The following GRIN2B variants were observed in gnomAD, a reference collection of about 807,000 sequenced individuals.
GRIN2B encodes the protein glutamate receptor ionotropic, NMDA 2B.
Under a neutral mutation model 114.5 loss-of-function variants are expected in GRIN2B, and 5 were observed. The observed-to-expected ratio is 0.04, with a 90% CI of 0.02 to 0.09. The LOEUF (loss-of-function observed/expected upper bound fraction) is 0.09, where lower values mean the gene tolerates loss of function less well. Among genes scored for constraint, GRIN2B ranks in the 10% least tolerant of loss-of-function variants. The probability of loss-of-function intolerance (pLI) is 1.00; values close to 1 mark genes in which losing one functional copy is unlikely to be tolerated. For missense variants in GRIN2B, 1,108 were observed against 1,943.5 expected (o/e 0.57, Z 8.08); for synonymous variants, 787 against 745.1 (o/e 1.06, Z -0.92).
intron 3 of GRIN2B, among the ~76,000 whole-genome samples, chr12:13,815,751 G>A (rs1864810977): frequency 6.6e-6 from 1 of 152,200 alleles, no homozygotes; most frequent in African/African-American, 2.4e-5. Flanking sequence ...AAGTGAAAAG[G>A]TGGGGTTAAA....
rs138749541 is a variant in GRIN2B at position 13,793,856 on chromosome 12, G to C, written c.412-39941C>G. The stretch of plus-strand genomic sequence containing the variant: ...CTTTTTGGAAGAAGGAAGTGGGAGA[G>C]GGTTAGGTTTTTAAATCCTTTAAAA... On this transcript the variant is annotated intron_variant, in intron 3 of 13. Transcript: ENST00000609686. 2.2e-4 allele frequency among the ~76,000 whole-genome samples: 33 copies of C among 152,078 alleles called. No individual in the cohort carries two copies. The East Asian group carries it at 5.2e-3, about 24-fold the overall frequency.
rs115482580 is a variant in GRIN2B at position 13,728,372 on chromosome 12, G to A, written c.1010+24945C>T. Among the ~76,000 whole-genome samples the A allele has an allele frequency of 3.7e-3, 560 of 152,154 alleles. 4 individuals carry two copies. Among genetic ancestry groups the A allele is most frequent in the African/African-American group, 0.013 (526 of 41,508 alleles). On this transcript the variant is annotated intron_variant, in intron 4 of 13. Transcript: ENST00000609686. Reference sequence around the variant, plus strand: ...ACCAGTTTTAGAGAACCACTGTTTAGTAGTGCTTTAATATTTCATCATCCA... The same window carrying A: ...ACCAGTTTTAGAGAACCACTGTTTAATAGTGCTTTAATATTTCATCATCCA...
At chr12:13,850,186 C>T (rs977056921) in intron 3 of GRIN2B, among the ~76,000 whole-genome samples, 3 of 152,166 alleles carry the variant, frequency 2.0e-5, no homozygotes, top group Non-Finnish European at 4.4e-5. Context: ...GAAAAGATTG[C>T]TCTAAGACCT....
intron 3 of GRIN2B, among the ~76,000 whole-genome samples, chr12:13,811,251 T>G (rs1379665721): frequency 6.6e-6 from 1 of 152,234 alleles, no homozygotes; most frequent in Non-Finnish European, 1.5e-5. Context: ...AGAAATGACC[T>G]AGTCTTCTAA....
chr12:13,785,794 A>G (rs552493656), intron 3 of GRIN2B, among the ~76,000 whole-genome samples: 32 of 152,290 alleles, frequency 2.1e-4, no homozygotes, highest in African/African-American at 7.0e-4. Context: ...TATGATTACT[A>G]TTTTCCATAT....
At chr12:13,942,536 C>A (rs546973607) in intron 2 of GRIN2B, among the ~76,000 whole-genome samples, 1 of 152,110 alleles carries the variant, frequency 6.6e-6, no homozygotes. Context: ...CTTTTAGTTG[C>A]TGTACAAATA....
Position 13,967,777 on chromosome 12 carries a change from G to A in GRIN2B, c.-19+12151C>T, listed in dbSNP as rs540088341. ...AGGCCAGTGATTCCAGTCTGTGGGC[G>A]ACAGGAAGACCTGGAGCTGAGGATC... On this transcript the variant is annotated intron_variant, in intron 2 of 13. Transcript: ENST00000609686. Among the ~76,000 whole-genome samples, 15 of 152,262 alleles carry A rather than the reference G, an allele frequency of 9.9e-5. No homozygotes were observed. In the South Asian group the frequency reaches 2.3e-3, roughly 23 times the overall value.
At chr12:13,797,620 T>C (rs1337454493) in intron 3 of GRIN2B, among the ~76,000 whole-genome samples, 2 of 152,206 alleles carry the variant, frequency 1.3e-5, no homozygotes, top group African/African-American at 4.8e-5. Context: ...TTTTGACTAA[T>C]GTAACAACCA....
intron 2 of GRIN2B, among the ~76,000 whole-genome samples, chr12:13,881,410 C>T (rs1414881709): frequency 6.6e-6 from 1 of 152,142 alleles, no homozygotes; most frequent in Non-Finnish European, 1.5e-5. Context: ...GTCTCTTCAG[C>T]GGGTTTCATT....
At chr12:13,944,638 TACAA>T (rs1177589168) in intron 2 of GRIN2B, among the ~76,000 whole-genome samples, 5 of 152,232 alleles carry the variant, frequency 3.3e-5, no homozygotes, top group African/African-American at 1.2e-4. Context: ...CTTCTCATTT[TACAA>T]ACAATTAAAA....
intron 4 of GRIN2B, among the ~76,000 whole-genome samples, chr12:13,676,495 G>T (rs936595398): frequency 2.0e-5 from 3 of 152,130 alleles, no homozygotes; most frequent in Admixed American, 6.5e-5. Context: ...CATTAGGTTT[G>T]TAAGGCTTAA....
intron 3 of GRIN2B, among the ~76,000 whole-genome samples, chr12:13,865,269 T>C (rs1233246190): frequency 6.6e-6 from 1 of 152,156 alleles, no homozygotes; most frequent in Non-Finnish European, 1.5e-5. Context: ...TACAAACAAG[T>C]GGACACAAAA....
intron 2 of GRIN2B, among the ~76,000 whole-genome samples, chr12:13,879,791 A>T (rs988678608): frequency 6.6e-6 from 1 of 152,256 alleles, no homozygotes; most frequent in African/African-American, 2.4e-5. Context: ...CTCCTCCCTG[A>T]CATGCCGGAC....
chr12:13,889,462 A>G (rs1866222302), intron 2 of GRIN2B, among the ~76,000 whole-genome samples: 1 of 152,244 alleles, frequency 6.6e-6, no homozygotes, highest in Non-Finnish European at 1.5e-5. Flanking sequence ...CAGCTTAATA[A>G]CAGTTAGTGC....
At chr12:13,618,381 C>CTTAT (rs1206213161) in intron 5 of GRIN2B, among the ~76,000 whole-genome samples, 3 of 152,128 alleles carry the variant, frequency 2.0e-5, no homozygotes, top group African/African-American at 4.8e-5. Context: ...CCCTAAAGTA[C>CTTAT]TTATTTATTT....
At chr12:13,850,189 T>C (rs1865535169) in intron 3 of GRIN2B, among the ~76,000 whole-genome samples, 1 of 152,176 alleles carries the variant, frequency 6.6e-6, no homozygotes, top group South Asian at 2.1e-4. Context: ...AAGATTGCTC[T>C]AAGACCTATC....
rs1294517418 is a variant in GRIN2B at position 13,587,334 on chromosome 12, CTTTTT to C, written c.2011-15375_2011-15371del. Among the ~76,000 whole-genome samples, 123 of 149,378 alleles carry C rather than the reference CTTTTT, an allele frequency of 8.2e-4. 1 individual carries two copies. Among genetic ancestry groups the C allele is most frequent in the Non-Finnish European group, 6.2e-4 (42 of 67,350 alleles). The stretch of plus-strand genomic sequence containing the variant: ...CCTGATGTACATTTTCTTTTCTTTT[CTTTTT>C]ATTTCTTTTTTTTTTTTTTGTATTG... On this transcript the variant is annotated intron_variant, in intron 10 of 13. Transcript: ENST00000609686.
chr12:13,804,936 C>G (rs1436201646), intron 3 of GRIN2B, among the ~76,000 whole-genome samples: 1 of 152,122 alleles, frequency 6.6e-6, no homozygotes, highest in Non-Finnish European at 1.5e-5. Context: ...ACTGTGCTAA[C>G]CCAGGGTTCA....
rs1468087629 is a variant in GRIN2B, at chr12:13,544,578, A to AAAGG, written c.*18204_*18205insCCTT. 2.0e-5 allele frequency: 3 copies of AAAGG among 152,260 alleles called. No homozygotes were observed. In the East Asian group the frequency reaches 5.8e-4, roughly 29 times the overall value. 9.4% of individuals were successfully genotyped at this position (152,260 alleles called of 1,614,324 possible). A position where few individuals can be genotyped will look rare whatever the true frequency, so the allele number is the denominator to read the frequency against. ...AACATCTGTAGACACCTTAAACTATAAGGCTTTCCTTCCCAGTCAGCCTCA... is the reference window on the plus strand; with the variant it reads ...AACATCTGTAGACACCTTAAACTATAAAGGAGGCTTTCCTTCCCAGTCAGCCTCA... On this transcript the variant is annotated 3_prime_UTR_variant, in exon 14 of 14. Transcript: ENST00000609686.
Sources: allele counts gnomAD v4.1 joint callset (sites outside exome capture counted in the v4.1 genomes callset), GRCh38; gene constraint gnomAD v4.1.1; transcripts MANE v1.5; gene names NCBI Gene and HGNC (gene_info 2026-07-23, HGNC 2026-07-21).